The following DLGAP2 variants were observed in gnomAD, a reference collection of about 807,000 sequenced individuals.
DLGAP2 encodes the protein DLG associated protein 2.
Under a neutral mutation model 100.3 loss-of-function variants are expected in DLGAP2, and 26 were observed. The ratio of observed to expected loss-of-function variants is 0.26; its 90% CI spans 0.19 to 0.36. The LOEUF (loss-of-function observed/expected upper bound fraction) is 0.36. Among genes scored for constraint, DLGAP2 ranks in the 10% least tolerant of loss-of-function variants. DLGAP2 has a pLI of 1.00. For synonymous variants in DLGAP2, 886 were observed against 630.1 expected, an observed-to-expected ratio of 1.41 and a Z score of -6.08; for missense variants, 1,858 against 1,453.2, an observed-to-expected ratio of 1.28 and a Z score of -4.53.
At chr8:968,318 T>C (rs1182525467) in intron 2 of DLGAP2, among the ~76,000 whole-genome samples, 1 of 152,116 alleles carries the variant, frequency 6.6e-6, no homozygotes, top group Admixed American at 6.5e-5. Flanking sequence ...CACCTAATTC[T>C]CTGAGAACCT....
At chr8:1,440,563 A>G (rs986101259) in intron 3 of DLGAP2, among the ~76,000 whole-genome samples, 5 of 152,238 alleles carry the variant, frequency 3.3e-5, no homozygotes, top group African/African-American at 1.2e-4. Context: ...CACATTTGCT[A>G]TGACACAAAT....
intron 3 of DLGAP2, among the ~76,000 whole-genome samples, chr8:1,370,156 C>G (rs1184578837): frequency 6.6e-6 from 1 of 152,134 alleles, no homozygotes; most frequent in Non-Finnish European, 1.5e-5. Flanking sequence ...GAATTGAGCC[C>G]TAGTCTTTCC....
Position 764,872 on chromosome 8 carries a change from A to G in DLGAP2, c.18+27047A>G, listed in dbSNP as rs114290561. On this transcript the variant is annotated intron_variant, in intron 1 of 14. Transcript: ENST00000637795. Reference sequence around the variant, plus strand: ...AAAAAATTTGTACCAAAATTTACCTATAAATCCAGATGTTTCATATCTAAC... The same window carrying G: ...AAAAAATTTGTACCAAAATTTACCTGTAAATCCAGATGTTTCATATCTAAC... 9.7e-3 allele frequency among the ~76,000 whole-genome samples: 1,480 copies of G among 152,352 alleles called. 17 individuals carry two copies. Among genetic ancestry groups the G allele is most frequent in the African/African-American group, 0.031 (1,304 of 41,566 alleles).
chr8:1,615,085 C>T (rs1179202885), intron 6 of DLGAP2, among the ~76,000 whole-genome samples: 2 of 152,138 alleles, frequency 1.3e-5, no homozygotes, highest in Non-Finnish European at 1.5e-5. Flanking sequence ...TTTGGGGTTG[C>T]CAGAAGAGGT....
intron 7 of DLGAP2, among the ~76,000 whole-genome samples, chr8:1,627,558 C>A (rs73671262): frequency 0.057 from 8,736 of 152,324 alleles, 270 homozygotes; most frequent in Middle Eastern, 0.078. Flanking sequence ...AAAGAAGAAT[C>A]GAAAGTTTAT....
At chr8:1,198,568 C>A (rs1229134501) in intron 2 of DLGAP2, among the ~76,000 whole-genome samples, 1 of 152,088 alleles carries the variant, frequency 6.6e-6, no homozygotes, top group Non-Finnish European at 1.5e-5. Flanking sequence ...AGGGCCAGGT[C>A]CCAGGTGGCA....
intron 3 of DLGAP2, among the ~76,000 whole-genome samples, chr8:1,313,779 G>C (rs1272242224): frequency 1.3e-5 from 2 of 152,050 alleles, no homozygotes; most frequent in East Asian, 3.9e-4. Context: ...AATTATGTCT[G>C]GGGAGGGGAG....
rs551069087 is a variant in DLGAP2 at position 1,333,890 on chromosome 8, G to A, written c.106+75007G>A. On this transcript the variant is annotated intron_variant, in intron 3 of 14. Transcript: ENST00000637795. ...GGGGGAACAGAAAGTCAGATCCCAG[G>A]TGCATCCTTGCCTCCCATCTGAGGC... 4.6e-5 allele frequency among the ~76,000 whole-genome samples: 7 copies of A among 152,344 alleles called. No homozygotes were observed. In the South Asian group the frequency reaches 1.4e-3, roughly 32 times the overall value.
intron 6 of DLGAP2, among the ~76,000 whole-genome samples, chr8:1,587,363 C>T (rs1796153086): frequency 6.6e-6 from 1 of 152,126 alleles, no homozygotes; most frequent in Non-Finnish European, 1.5e-5. Flanking sequence ...GGGGTGAGGC[C>T]AGAGAGGAAC....
intron 10 of DLGAP2, among the ~76,000 whole-genome samples, chr8:1,671,767 G>A (rs766627494): frequency 5.4e-4 from 82 of 152,174 alleles, no homozygotes; most frequent in Non-Finnish European, 8.8e-4. Flanking sequence ...TCTGGCCCCG[G>A]CCACCTGAGT....
chr8:1,655,834 T>G (rs1250479031), intron 8 of DLGAP2, among the ~76,000 whole-genome samples: 3 of 152,232 alleles, frequency 2.0e-5, no homozygotes, highest in Non-Finnish European at 4.4e-5. Flanking sequence ...CAGGGAACTA[T>G]GTCCAGACAT....
intron 3 of DLGAP2, among the ~76,000 whole-genome samples, chr8:1,468,815 C>G (rs1346774605): frequency 3.9e-5 from 6 of 152,342 alleles, no homozygotes; most frequent in Non-Finnish European, 8.8e-5. Flanking sequence ...TTCCCTCCCA[C>G]TCTCCATGGA....
chr8:1,605,689 A>C (rs918989164), intron 6 of DLGAP2, among the ~76,000 whole-genome samples: 1 of 152,240 alleles, frequency 6.6e-6, no homozygotes, highest in South Asian at 2.1e-4. Context: ...AAGAAAACAG[A>C]GAATGCAGCG....
chr8:893,525 G>A (rs957543983), intron 1 of DLGAP2, among the ~76,000 whole-genome samples: 2 of 152,234 alleles, frequency 1.3e-5, no homozygotes, highest in South Asian at 2.1e-4. Context: ...GAAGGGGAGG[G>A]TGGGGTTAGA....
At chr8:1,090,464 A>G (rs1804141021) in intron 2 of DLGAP2, among the ~76,000 whole-genome samples, 1 of 152,218 alleles carries the variant, frequency 6.6e-6, no homozygotes, top group Admixed American at 6.5e-5. Context: ...TTTGACCACG[A>G]CAGGGTTCGC....
At chr8:1,018,909 C>G (rs1801549502) in intron 2 of DLGAP2, 1 of 152,156 alleles carries the variant, frequency 6.6e-6, no homozygotes, top group South Asian at 2.1e-4. Flanking sequence ...GCTGAAACGG[C>G]AGTTGCTCAA....
intron 3 of DLGAP2, among the ~76,000 whole-genome samples, chr8:1,437,126 T>C (rs1308253647): frequency 2.9e-5 from 4 of 139,314 alleles, no homozygotes; most frequent in Admixed American, 7.3e-5. Flanking sequence ...CCCAGGCGCG[T>C]AAGGGTGACG....
In DLGAP2 at chr8:1,695,723, A is replaced by T. The variant is rs574753507; in HGVS notation, c.2797-1424A>T. 3.9e-5 allele frequency among the ~76,000 whole-genome samples: 6 copies of T among 152,330 alleles called. No homozygotes were observed. In the East Asian group the frequency reaches 1.2e-3, roughly 29 times the overall value. On this transcript the variant is annotated intron_variant, in intron 13 of 14. Transcript: ENST00000637795. ...GAAGACTTCTGGAAGCCAGGTAGGAACCACCCCTACAGCCTCTGAGCAGCC... is the reference window on the plus strand; with the variant it reads ...GAAGACTTCTGGAAGCCAGGTAGGATCCACCCCTACAGCCTCTGAGCAGCC...
In DLGAP2 at chr8:1,691,524, G is replaced by A; in HGVS notation, c.2705-11G>A. 1 of 1,608,094 alleles carries A rather than the reference G, an allele frequency of 6.2e-7. No individual in the cohort carries two copies. The highest frequency in any genetic ancestry group is 8.5e-7 in the Non-Finnish European group (1 of 1,178,014). On this transcript the variant is annotated splice_polypyrimidine_tract_variant and intron_variant, in intron 12 of 14. Coordinates refer to ENST00000637795, the MANE Select transcript of DLGAP2 (RefSeq NM_001346810.2). ...TTGTTGTTTTTTTGTTTTTGTTTTT[G>A]TTTTAAACAGTTCTCGGTAAAATCA... is the stretch of plus-strand genomic sequence containing the variant.
Sources: allele counts gnomAD v4.1 joint callset (sites outside exome capture counted in the v4.1 genomes callset), GRCh38; gene constraint gnomAD v4.1.1; transcripts MANE v1.5; gene names NCBI Gene and HGNC (gene_info 2026-07-23, HGNC 2026-07-21).